NECAP2: variants seen among roughly 807,000 people sequenced by gnomAD.
NECAP2 encodes adaptin ear-binding coat-associated protein 2.
NECAP2 carries 38 observed loss-of-function variants against 37.8 expected under a neutral mutation model. That is an observed-to-expected ratio of 1.01 (90% CI 0.78 to 1.32). NECAP2 has a LOEUF of 1.32. NECAP2 is among the 40% of genes most tolerant of loss of function. The pLI is 0.00. For missense variants in NECAP2, 316 were observed against 334.5 expected, an observed-to-expected ratio of 0.94 and a Z score of 0.43; for synonymous variants, 121 against 127.7, an observed-to-expected ratio of 0.95 and a Z score of 0.35.
At chr1:16,443,024 T>C (rs1013767011) in intron 1 of NECAP2, among the ~76,000 whole-genome samples, 1 of 152,236 alleles carries the variant, frequency 6.6e-6, no homozygotes, top group Admixed American at 6.5e-5. Flanking sequence ...TGTTCTCCTT[T>C]TCTCTTCTGG....
chr1:16,453,614 G>C (rs892619447), intron 6 of NECAP2, among the ~76,000 whole-genome samples: 1 of 151,894 alleles, frequency 6.6e-6, no homozygotes, highest in African/African-American at 2.4e-5. Context: ...TCAGCCTCCT[G>C]AGTAGCTGAG....
At chr1:16,458,123 G>A (rs1225787141) in intron 7 of NECAP2, among the ~76,000 whole-genome samples, 1 of 152,144 alleles carries the variant, frequency 6.6e-6, no homozygotes, top group Non-Finnish European at 1.5e-5. Flanking sequence ...ATTCATTTGA[G>A]GAGTCTGATT....
intron 2 of NECAP2, 93 bp from the exon 3 acceptor site, chr1:16,447,777 A>G: frequency 5.2e-6 from 5 of 952,950 alleles, no homozygotes; most frequent in Non-Finnish European, 8.6e-6. Context: ...CTGGTTAGAG[A>G]TGCCTTGCGG....
chr1:16,441,106 G>A, intron 1 of NECAP2: 1 of 524,116 alleles, frequency 1.9e-6, no homozygotes, highest in South Asian at 2.6e-5. Context: ...GACCCCGGTG[G>A]GCTGCCGGGT....
chr1:16,448,246 C>A, intron 4 of NECAP2, 105 bp downstream of exon 4: 1 of 1,133,964 alleles, frequency 8.8e-7, no homozygotes. Context: ...ATTTGTCTGG[C>A]AGCAGAGACT....
intron 5 of NECAP2, 107 bp downstream of exon 5, chr1:16,449,308 T>C: frequency 4.2e-6 from 3 of 719,826 alleles, no homozygotes; most frequent in Non-Finnish European, 4.7e-6. Flanking sequence ...AGCAGATGTT[T>C]AGTGAGCATC....
At position 16,459,073 on chromosome 1, in the gene NECAP2, G is replaced by A. The variant is rs2086972962; in HGVS notation, c.*183G>A. ...CAGTAAATTGGCACCGTGTCACACTGTTTCCTGGGATTCAAGTATGCAACC... is the reference window on the plus strand; with the variant it reads ...CAGTAAATTGGCACCGTGTCACACTATTTCCTGGGATTCAAGTATGCAACC... On this transcript the variant is annotated 3_prime_UTR_variant, in exon 8 of 8. Coordinates refer to ENST00000337132, the MANE Select transcript of NECAP2 (RefSeq NM_018090.5). 7.2e-7 allele frequency: 1 copy of A among 1,387,958 alleles called. No homozygotes were observed. Among genetic ancestry groups the A allele is most frequent in the Non-Finnish European group, 9.7e-7 (1 of 1,029,424 alleles). The allele number at this position is 1,387,958 out of a possible 1,614,324, so 86.0% of individuals were successfully genotyped here.
At position 16,440,882 on chromosome 1, in the gene NECAP2, C is replaced by G. The variant is rs573583967; in HGVS notation, c.92+29C>G. On this transcript the variant is annotated intron_variant, in intron 1 of 7. Transcript: ENST00000337132. Reference sequence around the variant, plus strand: ...ACTACCCACCGCCAGACCAGGCTAGCTCCAATTTAACCCTTTCTCCGCCAC... The same window carrying G: ...ACTACCCACCGCCAGACCAGGCTAGGTCCAATTTAACCCTTTCTCCGCCAC... 6 of 1,590,538 alleles carry G rather than the reference C, an allele frequency of 3.8e-6. No individual in the cohort carries two copies. The South Asian group carries it at 6.6e-5, about 18-fold the overall frequency.
At chr1:16,457,319 G>C (rs976651949) in intron 7 of NECAP2, among the ~76,000 whole-genome samples, 1 of 152,096 alleles carries the variant, frequency 6.6e-6, no homozygotes, top group African/African-American at 2.4e-5. Flanking sequence ...AGTTGGGCGT[G>C]GTGGGGTGGT....
rs1343398984 is a variant in NECAP2 at position 16,451,887 on chromosome 1, C to A, written c.539C>A (p.Ala180Asp). ...GAAGNPRVRP[A>D]STGGLSLLPP... ...GCTGGGAATCCCCGAGTCCGGCCTG[C>A]CAGCACAGGAGGGCTGAGCCTGCTT... The change falls in exon 6 of 8, where the codon GCC (alanine) becomes GAC (aspartate). Residue 180 changes from alanine to aspartate, a missense_variant. Around this residue, in one of 3 missense-constraint regions of NECAP2, gnomAD observed 204 missense variants for 188.6 expected, o/e 1.08. Transcript: ENST00000337132. 5.6e-6 allele frequency: 9 copies of A among 1,614,118 alleles called. No homozygotes were observed. The highest frequency in any genetic ancestry group is 7.6e-6 in the Non-Finnish European group (9 of 1,179,982).
chr1:16,452,501 CAG>C (rs2086860146), intron 6 of NECAP2, among the ~76,000 whole-genome samples: 1 of 152,070 alleles, frequency 6.6e-6, no homozygotes, highest in African/African-American at 2.4e-5. Context: ...GCATTCCAGG[CAG>C]AGAGAAGAAC....
At chr1:16,452,698 GA>G (rs2086863072) in intron 6 of NECAP2, among the ~76,000 whole-genome samples, 1 of 152,140 alleles carries the variant, frequency 6.6e-6, no homozygotes, top group East Asian at 1.9e-4. Flanking sequence ...TGGGATTCCG[GA>G]AGCGAGTGTC....
At chr1:16,444,254 C>A (rs2086729619) in intron 2 of NECAP2, among the ~76,000 whole-genome samples, 1 of 152,196 alleles carries the variant, frequency 6.6e-6, no homozygotes, top group East Asian at 1.9e-4. Flanking sequence ...TTGGGGGAAA[C>A]TTCACAAGTC....
chr1:16,453,092 A>C (rs973894698), intron 6 of NECAP2, among the ~76,000 whole-genome samples: 1 of 150,898 alleles, frequency 6.6e-6, no homozygotes. Context: ...TGGGGGCAAG[A>C]ATCTGCATTC....
Position 16,446,681 on chromosome 1 carries a change from C to A in NECAP2, c.194-1189C>A, listed in dbSNP as rs138804265. Among the ~76,000 whole-genome samples, 331 of 152,142 alleles carry A rather than the reference C, an allele frequency of 2.2e-3. 2 individuals are homozygous for A. The highest frequency in any genetic ancestry group is 6.7e-3 in the African/African-American group (278 of 41,522). ...GCCTCAGCCTCCCAGGGAGCTGGAA[C>A]TAAATGTGCATGCCACCATGCCTGG... On this transcript the variant is annotated intron_variant, in intron 2 of 7. Transcript: ENST00000337132.
At chr1:16,457,542 A>G (rs1257224741) in intron 7 of NECAP2, among the ~76,000 whole-genome samples, 1 of 152,178 alleles carries the variant, frequency 6.6e-6, no homozygotes, top group Non-Finnish European at 1.5e-5. Flanking sequence ...TGCCAGTGGC[A>G]CTTCAGACTG....
At chr1:16,449,343 G>T in intron 5 of NECAP2, 142 bp downstream of exon 5, 1 of 613,314 alleles carries the variant, frequency 1.6e-6, no homozygotes, top group Non-Finnish European at 2.9e-6. Context: ...TCCTGCATCG[G>T]GGTGAACAAG....
Position 16,449,821 on chromosome 1 carries a change from C to T in NECAP2, c.489+620C>T, listed in dbSNP as rs2086814868. Reference sequence around the variant, plus strand: ...TGTGTCTTCGTTCTGAGCTGCTCTGCCTCTGGCTTCCCTCCCGTCAGCTCC... The same window carrying T: ...TGTGTCTTCGTTCTGAGCTGCTCTGTCTCTGGCTTCCCTCCCGTCAGCTCC... On this transcript the variant is annotated intron_variant, in intron 5 of 7. Transcript: ENST00000337132. 4 of 192,990 alleles carry T rather than the reference C, an allele frequency of 2.1e-5. No homozygotes were observed. In the South Asian group the frequency reaches 2.7e-4, roughly 13 times the overall value. 12.0% of individuals were successfully genotyped at this position (192,990 alleles called of 1,614,324 possible). A position where few individuals can be genotyped will look rare whatever the true frequency, so the allele number is the denominator to read the frequency against.
intron 5 of NECAP2, chr1:16,451,260 C>T (rs1307267215): frequency 3.3e-5 from 5 of 152,668 alleles, no homozygotes; most frequent in African/African-American, 1.2e-4. Flanking sequence ...TGAGAATTCA[C>T]CCGATTTATT....
Sources: allele counts gnomAD v4.1 joint callset (sites outside exome capture counted in the v4.1 genomes callset), GRCh38; gene constraint gnomAD v4.1.1; regional missense constraint gnomAD v4.1.1; transcripts MANE v1.5; gene names NCBI Gene and HGNC (gene_info 2026-07-23, HGNC 2026-07-21).